Variants in ADGRL2 observed in about 807,000 individuals in gnomAD.
ADGRL2 encodes the protein calcium-independent alpha-latrotoxin receptor 2.
Under a neutral mutation model 157.4 loss-of-function variants are expected in ADGRL2, and 44 were observed. The ratio of observed to expected loss-of-function variants is 0.28; its 90% CI spans 0.22 to 0.36. The LOEUF (loss-of-function observed/expected upper bound fraction) is 0.36, where lower values mean the gene tolerates loss of function less well. Ranked by LOEUF, ADGRL2 falls within the 10% of genes least tolerant of loss-of-function variation. The pLI is 1.00. For synonymous variants in ADGRL2, 585 were observed against 624.7 expected, an observed-to-expected ratio of 0.94 and a Z score of 0.95; for missense variants, 1,510 against 1,768.9, an observed-to-expected ratio of 0.85 and a Z score of 2.63.
intron 1 of ADGRL2, among the ~76,000 whole-genome samples, chr1:81,316,689 T>C (rs1660130118): frequency 6.6e-6 from 1 of 152,182 alleles, no homozygotes; most frequent in South Asian, 2.1e-4. Flanking sequence ...TAAAATTTTT[T>C]GCTGACAAGA....
Position 81,943,790 on chromosome 1 carries a change from A to T in ADGRL2, c.1210+21A>T. 1 of 1,563,704 alleles carries T rather than the reference A, an allele frequency of 6.4e-7. No individual in the cohort carries two copies. Among genetic ancestry groups the T allele is most frequent in the Non-Finnish European group, 8.7e-7 (1 of 1,146,020 alleles). On this transcript the variant is annotated intron_variant, in intron 6 of 23. Transcript: ENST00000686636. This position sits in a 1 kb window ranked among gnomAD's most constrained non-coding sequence, Gnocchi z 5.6. ...CCAAGGTAAGCGTGTTTACTTGCTA[A>T]TGCTTATGTCATTTTGTGAAAAGCA...
At chr1:81,532,395 AG>A (rs2079621354) in intron 2 of ADGRL2, among the ~76,000 whole-genome samples, 1 of 152,196 alleles carries the variant, frequency 6.6e-6, no homozygotes, top group Admixed American at 6.5e-5. Flanking sequence ...TACCAGATTC[AG>A]AACATACATT....
chr1:81,832,550 A>C (rs2150118654), intron 1 of ADGRL2, among the ~76,000 whole-genome samples: 1 of 152,324 alleles, frequency 6.6e-6, no homozygotes, highest in African/African-American at 2.4e-5. Flanking sequence ...GAAACGAAGA[A>C]ATTTTAGTAA....
At chr1:81,550,276 T>A (rs1251820403) in intron 2 of ADGRL2, among the ~76,000 whole-genome samples, 1 of 152,212 alleles carries the variant, frequency 6.6e-6, no homozygotes, top group Non-Finnish European at 1.5e-5. Flanking sequence ...AAGCCTTTTG[T>A]AAAGCTAGAA....
chr1:81,406,730 G>A (rs576809399), intron 1 of ADGRL2, among the ~76,000 whole-genome samples: 1 of 152,044 alleles, frequency 6.6e-6, no homozygotes, highest in African/African-American at 2.4e-5. Context: ...TAGATGCCAC[G>A]AGAGCCTGGA....
At chr1:81,355,051 C>T (rs549011218) in intron 1 of ADGRL2, among the ~76,000 whole-genome samples, 2 of 152,286 alleles carry the variant, frequency 1.3e-5, no homozygotes, top group Admixed American at 1.3e-4. Flanking sequence ...TGCTACTTAT[C>T]ATTGCAATAG....
At chr1:81,408,755 T>C (rs763725173) in intron 1 of ADGRL2, among the ~76,000 whole-genome samples, 25 of 152,326 alleles carry the variant, frequency 1.6e-4, no homozygotes, top group Admixed American at 3.3e-4. Flanking sequence ...GTAAACTAAA[T>C]ATGAGATCAT....
intron 2 of ADGRL2, among the ~76,000 whole-genome samples, chr1:81,853,132 A>C (rs1173197997): frequency 6.6e-6 from 1 of 152,146 alleles, no homozygotes; most frequent in African/African-American, 2.4e-5. Context: ...AACTGTTTCA[A>C]ATTGACAGGC....
At chr1:81,726,061 T>C (rs753657580) in intron 1 of ADGRL2, among the ~76,000 whole-genome samples, 1 of 152,202 alleles carries the variant, frequency 6.6e-6, no homozygotes, top group Non-Finnish European at 1.5e-5. Flanking sequence ...TGTTGATTCA[T>C]GATCTCAGAA....
In ADGRL2 at chr1:81,943,151, A is replaced by G; in HGVS notation, c.592A>G (p.Asn198Asp). 3.7e-6 allele frequency: 6 copies of G among 1,613,570 alleles called. No homozygotes were observed. The highest frequency in any genetic ancestry group is 2.2e-5 in the South Asian group (2 of 91,076). ...ATATGCTTCTTTAGAAGATTTCCAA[A>G]ATAGTCGCCAAACAACAACATATAA... ...IEYASLEDFQ[N>D]SRQTTTYKLP... The change falls in exon 6 of 24, where the codon AAT (asparagine) becomes GAT (aspartate). Residue 198 changes from asparagine to aspartate, a missense_variant. Physicochemically the swap from Asn to Asp is conservative, Grantham distance 23 (BLOSUM62 1). Transcript: ENST00000686636. This position sits in a 1 kb window ranked among gnomAD's most constrained non-coding sequence, Gnocchi z 5.6.
intron 1 of ADGRL2, among the ~76,000 whole-genome samples, chr1:81,745,293 A>G (rs2085208875): frequency 6.6e-6 from 1 of 152,230 alleles, no homozygotes; most frequent in South Asian, 2.1e-4. Flanking sequence ...TCTCTCTGAG[A>G]AGCACACAGC....
chr1:81,543,354 G>T (rs904256716), intron 2 of ADGRL2, among the ~76,000 whole-genome samples: 3 of 151,878 alleles, frequency 2.0e-5, no homozygotes, highest in Non-Finnish European at 1.5e-5. Flanking sequence ...GACACAAGGA[G>T]AAGGCATTAT....
intron 21 of ADGRL2, 185 bp downstream of exon 21, chr1:81,985,540 C>T (rs900342886): frequency 8.0e-6 from 3 of 376,592 alleles, no homozygotes; most frequent in African/African-American, 4.2e-5. Flanking sequence ...ACAGATTTAT[C>T]CTTTCTGACC....
rs1477264878 is a variant in ADGRL2, at chr1:81,391,104, A to T, written c.-301-53932A>T. 2.6e-5 allele frequency among the ~76,000 whole-genome samples: 4 copies of T among 152,422 alleles called. No individual in the cohort carries two copies. The East Asian group carries it at 5.8e-4, about 22-fold the overall frequency. ...GTTTAGCATATGCTGTTTGAAGTGT[A>T]ACAGGCAATCAAGTTTGTTAACAAA... On this transcript the variant is annotated intron_variant, in intron 1 of 24. Coordinates refer to the ADGRL2 transcript ENST00000370721.
chr1:81,798,123 T>C (rs1377167328), upstream of ADGRL2, among the ~76,000 whole-genome samples: 1 of 151,892 alleles, frequency 6.6e-6, no homozygotes, highest in African/African-American at 2.4e-5. Flanking sequence ...TGCACACATC[T>C]GTAGATATTA....
At chr1:81,423,452 G>T (rs750715128) in intron 1 of ADGRL2, among the ~76,000 whole-genome samples, 3 of 152,028 alleles carry the variant, frequency 2.0e-5, no homozygotes, top group Non-Finnish European at 4.4e-5. Flanking sequence ...ACATCGCGAC[G>T]GCCCAGAATG....
At chr1:81,719,446 C>T (rs1310440303) in intron 1 of ADGRL2, among the ~76,000 whole-genome samples, 1 of 152,156 alleles carries the variant, frequency 6.6e-6, no homozygotes, top group East Asian at 1.9e-4. Flanking sequence ...TTTCTCAATC[C>T]TGCTTCTTTC....
chr1:81,394,036 G>A (rs1366597312), intron 1 of ADGRL2, among the ~76,000 whole-genome samples: 1 of 151,628 alleles, frequency 6.6e-6, no homozygotes, highest in Admixed American at 6.6e-5. Context: ...TCAATATATA[G>A]ATGTCTATTT....
chr1:81,785,175 C>A (rs1196398210), intron 2 of ADGRL2, among the ~76,000 whole-genome samples: 2 of 152,030 alleles, frequency 1.3e-5, no homozygotes, highest in African/African-American at 4.8e-5. Context: ...ATTTGTTTTA[C>A]TAAAGTTTTA....
Sources: gnomAD v4.1 joint callset for allele counts (sites outside exome capture counted in the v4.1 genomes callset) on GRCh38, gnomAD v4.1.1 for gene constraint, Gnocchi (gnomAD v3.1) non-coding constraint, MANE v1.5 for transcripts, NCBI Gene and HGNC (gene_info 2026-07-23, HGNC 2026-07-21) for gene names.